Variants in CCDC192 observed in about 807,000 individuals in gnomAD.
CCDC192 encodes coiled-coil domain containing 192.
At chr5:127,931,102 G>C (rs1444373780) in intron 6 of CCDC192, among the ~76,000 whole-genome samples, 1 of 152,182 alleles carries the variant, frequency 6.6e-6, no homozygotes, top group Non-Finnish European at 1.5e-5. Context: ...CTTCCTCCCT[G>C]CATGGTGGTG....
intron 3 of CCDC192, among the ~76,000 whole-genome samples, chr5:127,774,540 A>G (rs566725513): frequency 6.3e-4 from 96 of 152,282 alleles, no homozygotes; most frequent in African/African-American, 2.2e-3. Flanking sequence ...TCTTGGCACC[A>G]TTGTCAAACA....
intron 5 of CCDC192, among the ~76,000 whole-genome samples, chr5:127,841,711 CG>C (rs1310613515): frequency 3.9e-5 from 6 of 152,292 alleles, no homozygotes; most frequent in Admixed American, 3.9e-4. Context: ...TTAGAACAAA[CG>C]GAGTTGTCCA....
chr5:127,742,995 C>T (rs1195951535), intron 2 of CCDC192, among the ~76,000 whole-genome samples: 1 of 152,060 alleles, frequency 6.6e-6, no homozygotes, highest in South Asian at 2.1e-4. Context: ...CACTCTCCAC[C>T]CTTCCCAACT....
intron 5 of CCDC192, among the ~76,000 whole-genome samples, chr5:127,852,648 A>G (rs1368602346): frequency 1.3e-5 from 2 of 152,162 alleles, no homozygotes; most frequent in African/African-American, 2.4e-5. Context: ...CACTGCAGCT[A>G]TTCTCCCATA....
At chr5:127,729,941 C>T (rs1018187802) in intron 2 of CCDC192, among the ~76,000 whole-genome samples, 13 of 152,110 alleles carry the variant, frequency 8.5e-5, no homozygotes, top group African/African-American at 2.2e-4. Flanking sequence ...AAATCGACAT[C>T]GTAATACACA....
intron 2 of CCDC192, among the ~76,000 whole-genome samples, chr5:127,713,825 C>T (rs991798108): frequency 2.6e-5 from 4 of 152,122 alleles, no homozygotes; most frequent in African/African-American, 7.2e-5. Context: ...ATATCTATTA[C>T]GTCAGACATT....
intron 5 of CCDC192, among the ~76,000 whole-genome samples, chr5:127,816,539 A>G (rs1381633088): frequency 6.6e-6 from 1 of 152,200 alleles, no homozygotes; most frequent in Non-Finnish European, 1.5e-5. Context: ...TGGAAGCTGA[A>G]ACAATGGTCA....
chr5:127,924,078 A>C (rs1353140029), intron 6 of CCDC192, among the ~76,000 whole-genome samples: 1 of 152,236 alleles, frequency 6.6e-6, no homozygotes, highest in Non-Finnish European at 1.5e-5. Flanking sequence ...ATATATTCAC[A>C]GACAATATTG....
intron 3 of CCDC192, among the ~76,000 whole-genome samples, chr5:127,769,808 A>G (rs1423621954): frequency 6.6e-6 from 1 of 152,216 alleles, no homozygotes; most frequent in Non-Finnish European, 1.5e-5. Context: ...TTCCATTTCA[A>G]TAACGTAGTC....
At chr5:127,771,994 T>C (rs1378102984) in intron 3 of CCDC192, among the ~76,000 whole-genome samples, 7 of 152,188 alleles carry the variant, frequency 4.6e-5, no homozygotes, top group Admixed American at 3.3e-4. Context: ...CTGCAAATGG[T>C]GTGAACTGTG....
At chr5:127,734,771 GTTGT>G (rs1333633073) in intron 2 of CCDC192, among the ~76,000 whole-genome samples, 3 of 150,472 alleles carry the variant, frequency 2.0e-5, no homozygotes, top group East Asian at 3.9e-4. Flanking sequence ...TTTTGATGGG[GTTGT>G]TTGTTTTTTT....
chr5:127,804,039 G>T (rs1021278503), intron 5 of CCDC192, among the ~76,000 whole-genome samples: 2 of 152,210 alleles, frequency 1.3e-5, no homozygotes, highest in Non-Finnish European at 2.9e-5. Flanking sequence ...AGGCACCCAG[G>T]ACGGGGGTCT....
intron 2 of CCDC192, among the ~76,000 whole-genome samples, chr5:127,749,750 T>C (rs1754018974): frequency 6.6e-6 from 1 of 152,192 alleles, no homozygotes; most frequent in Non-Finnish European, 1.5e-5. Context: ...TCCTGGACTC[T>C]TTTTGGTTGG....
At chr5:127,830,206 T>C (rs1017298706) in intron 5 of CCDC192, among the ~76,000 whole-genome samples, 1 of 152,180 alleles carries the variant, frequency 6.6e-6, no homozygotes, top group Non-Finnish European at 1.5e-5. Flanking sequence ...TGTGTGTCTT[T>C]TTCTGGTTGA....
intron 6 of CCDC192, among the ~76,000 whole-genome samples, chr5:127,892,979 T>C (rs1752772589): frequency 6.6e-6 from 1 of 152,204 alleles, no homozygotes; most frequent in African/African-American, 2.4e-5. Flanking sequence ...GTCAACATCC[T>C]GTTTGAAAAT....
chr5:127,747,917 G>C (rs2126856316), intron 2 of CCDC192, among the ~76,000 whole-genome samples: 3 of 151,286 alleles, frequency 2.0e-5, no homozygotes, highest in Middle Eastern at 6.8e-3. Flanking sequence ...TTTGAGAAGT[G>C]TCTGTTCATG....
intron 5 of CCDC192, among the ~76,000 whole-genome samples, chr5:127,809,156 T>A (rs897337555): frequency 3.9e-5 from 6 of 152,190 alleles, no homozygotes; most frequent in Non-Finnish European, 8.8e-5. Context: ...ACTATAATGT[T>A]TAATTTAACC....
intron 5 of CCDC192, among the ~76,000 whole-genome samples, chr5:127,843,729 C>T (rs72790401): frequency 2.6e-5 from 4 of 152,272 alleles, no homozygotes; most frequent in Non-Finnish European, 2.9e-5. Context: ...TGAGCCACCT[C>T]GCCCAGCCCC....
At chr5:127,732,629 G>C (rs1752705815) in intron 2 of CCDC192, among the ~76,000 whole-genome samples, 1 of 152,308 alleles carries the variant, frequency 6.6e-6, no homozygotes, top group Admixed American at 6.5e-5. Context: ...TAAAGAAAAT[G>C]TGGTACATAT....
Sources: gnomAD v4.1 joint callset for allele counts (sites outside exome capture counted in the v4.1 genomes callset) on GRCh38, gnomAD v4.1.1 for gene constraint, MANE v1.5 for transcripts, NCBI Gene and HGNC (gene_info 2026-07-23, HGNC 2026-07-21) for gene names.